B3GLCT: variants seen among roughly 807,000 people sequenced by gnomAD.
The protein encoded by B3GLCT is beta 3-glucosyltransferase.
Under a neutral mutation model 63.4 loss-of-function variants are expected in B3GLCT, and 65 were observed. The observed-to-expected ratio is 1.03, with a 90% confidence interval of 0.84 to 1.26. The LOEUF is 1.26. B3GLCT is among the 50% of genes most tolerant of loss of function. The pLI, the probability that B3GLCT is intolerant of heterozygous loss-of-function variation, is 0.00. For missense variants in B3GLCT, 577 were observed against 604.8 expected, an observed-to-expected ratio of 0.95 and a Z score of 0.48; for synonymous variants, 233 against 219.2, an observed-to-expected ratio of 1.06 and a Z score of -0.55.
intron 9 of B3GLCT, among the ~76,000 whole-genome samples, chr13:31,276,032 G>T (rs1278039702): frequency 6.6e-6 from 1 of 152,144 alleles, no homozygotes; most frequent in African/African-American, 2.4e-5. Context: ...AGGTAATAAA[G>T]GGGTCATGAA....
intron 2 of B3GLCT, among the ~76,000 whole-genome samples, chr13:31,219,468 A>G (rs917525617): frequency 1.3e-5 from 2 of 152,214 alleles, no homozygotes; most frequent in African/African-American, 4.8e-5. Context: ...TGACACATTT[A>G]AAGTGCTACC....
At chr13:31,264,822 T>A (rs961726992) in intron 7 of B3GLCT, among the ~76,000 whole-genome samples, 7 of 152,206 alleles carry the variant, frequency 4.6e-5, no homozygotes, top group Non-Finnish European at 8.8e-5. Context: ...TTATTAGCTA[T>A]ATCAATTAGC....
At chr13:31,208,058 G>C (rs887922632) in intron 1 of B3GLCT, among the ~76,000 whole-genome samples, 1 of 151,630 alleles carries the variant, frequency 6.6e-6, no homozygotes, top group African/African-American at 2.4e-5. Flanking sequence ...GCTCGGATTT[G>C]AACCTAGGAG....
chr13:31,328,525 T>C (rs1392880040), intron 14 of B3GLCT, among the ~76,000 whole-genome samples: 1 of 151,618 alleles, frequency 6.6e-6, no homozygotes, highest in African/African-American at 2.4e-5. Context: ...GAAACCCCCG[T>C]CTCCACTAAA....
intron 9 of B3GLCT, 111 bp downstream of exon 9, chr13:31,274,739 C>A: frequency 1.4e-6 from 2 of 1,386,032 alleles, no homozygotes; most frequent in Non-Finnish European, 2.0e-6. Context: ...CATTCATGTG[C>A]AAGTTGGTTA....
chr13:31,221,403 A>G (rs145051594), intron 2 of B3GLCT, among the ~76,000 whole-genome samples: 4 of 152,280 alleles, frequency 2.6e-5, no homozygotes, highest in Non-Finnish European at 5.9e-5. Context: ...GCGCATGCTG[A>G]CTTACGGTGA....
chr13:31,278,974 TTTCTGGCTCC>T (rs1365457836), intron 10 of B3GLCT, among the ~76,000 whole-genome samples: 1 of 152,208 alleles, frequency 6.6e-6, no homozygotes, highest in Non-Finnish European at 1.5e-5. Context: ...AGACTTGGGT[TTTCTGGCTCC>T]TAAGTCCCAC....
chr13:31,297,481 T>G (rs1198157921), intron 12 of B3GLCT, among the ~76,000 whole-genome samples: 1 of 151,450 alleles, frequency 6.6e-6, no homozygotes, highest in East Asian at 2.0e-4. Flanking sequence ...TATTTTCCCC[T>G]CTGTTCTCAC....
intron 13 of B3GLCT, among the ~76,000 whole-genome samples, chr13:31,321,869 A>AG (rs1666601306): frequency 6.6e-6 from 1 of 151,932 alleles, no homozygotes; most frequent in South Asian, 2.1e-4. Flanking sequence ...CAGGCTTTTG[A>AG]GGGGCAGGAG....
At chr13:31,290,211 C>A (rs957273950) in intron 12 of B3GLCT, among the ~76,000 whole-genome samples, 2 of 152,190 alleles carry the variant, frequency 1.3e-5, no homozygotes, top group African/African-American at 4.8e-5. Flanking sequence ...TTTTTTATGG[C>A]TGCATAGTAT....
intron 1 of B3GLCT, among the ~76,000 whole-genome samples, chr13:31,200,637 A>C (rs1268939701): frequency 6.6e-6 from 1 of 151,640 alleles, no homozygotes; most frequent in Non-Finnish European, 1.5e-5. Flanking sequence ...GGAGCCGGCG[A>C]GGCGGCCCTC....
At chr13:31,308,460 C>T (rs1035758539) in intron 12 of B3GLCT, among the ~76,000 whole-genome samples, 3 of 151,484 alleles carry the variant, frequency 2.0e-5, no homozygotes, top group Admixed American at 2.0e-4. Flanking sequence ...TCTGGCAGTC[C>T]CCCTTCTCAG....
chr13:31,218,677 A>T (rs1329081127), intron 2 of B3GLCT, among the ~76,000 whole-genome samples: 1 of 151,956 alleles, frequency 6.6e-6, no homozygotes, highest in Non-Finnish European at 1.5e-5. Context: ...TCCTGTTTGG[A>T]TGCCTTTATT....
At chr13:31,202,945 T>C (rs1868758688) in intron 1 of B3GLCT, among the ~76,000 whole-genome samples, 1 of 152,204 alleles carries the variant, frequency 6.6e-6, no homozygotes, top group South Asian at 2.1e-4. Context: ...TTGTATTGCA[T>C]GAGATTATAT....
intron 6 of B3GLCT, among the ~76,000 whole-genome samples, chr13:31,253,241 A>C (rs561615159): frequency 4.9e-4 from 75 of 152,278 alleles, no homozygotes; most frequent in African/African-American, 1.7e-3. Flanking sequence ...ATAGCACTAA[A>C]TGCCCACAAG....
chr13:31,232,933 A>G (rs1329603903), intron 4 of B3GLCT, among the ~76,000 whole-genome samples: 6 of 152,154 alleles, frequency 3.9e-5, no homozygotes, highest in Admixed American at 2.0e-4. Context: ...TTTCTTCTCT[A>G]TTGTAATAGA....
chr13:31,206,602 AAG>A (rs1868967639), intron 1 of B3GLCT, among the ~76,000 whole-genome samples: 1 of 149,078 alleles, frequency 6.7e-6, no homozygotes, highest in African/African-American at 2.5e-5. Context: ...AAAAAAAAAA[AAG>A]GTAGCCGGGC....
chr13:31,214,318 C>T (rs2137745079), intron 1 of B3GLCT, among the ~76,000 whole-genome samples: 1 of 152,232 alleles, frequency 6.6e-6, no homozygotes, highest in Admixed American at 6.5e-5. Flanking sequence ...TTCTGTTAAG[C>T]TTCCTGTTTG....
At chr13:31,315,322 G>T (rs958609813) in intron 12 of B3GLCT, among the ~76,000 whole-genome samples, 2 of 152,194 alleles carry the variant, frequency 1.3e-5, no homozygotes, top group Admixed American at 6.5e-5. Context: ...TGAAGTCCAG[G>T]CTGAGATGGT....
Sources: gnomAD v4.1 joint callset for allele counts (sites outside exome capture counted in the v4.1 genomes callset) on GRCh38, gnomAD v4.1.1 for gene constraint, MANE v1.5 for transcripts, NCBI Gene and HGNC (gene_info 2026-07-23, HGNC 2026-07-21) for gene names.